The following DSG3 variants were observed in gnomAD, a reference collection of about 807,000 sequenced individuals.
DSG3 encodes the protein desmoglein 3.
DSG3 carries 63 observed loss-of-function variants against 85.9 expected under a neutral mutation model. The ratio of observed to expected loss-of-function variants is 0.73; its 90% confidence interval spans 0.60 to 0.90. The LOEUF (loss-of-function observed/expected upper bound fraction) is 0.90. Ranked by LOEUF, DSG3 falls within the 40% of genes least tolerant of loss-of-function variation. The pLI is 0.00. For synonymous variants in DSG3, 447 were observed against 441.9 expected, an observed-to-expected ratio of 1.01 and a Z score of -0.14; for missense variants, 1,220 against 1,219.9, an observed-to-expected ratio of 1.00 and a Z score of 0.00.
rs142421403 is a variant in DSG3, at chr18:31,450,426, C to T, written c.48+2501C>T. On this transcript the variant is annotated intron_variant, in intron 1 of 15. Transcript: ENST00000257189. ...GATTGAAAAGTGCATTTTGTGAAGGCTCATGGAAACCTTTTACAAGTGGGG... is the reference window on the plus strand; with the variant it reads ...GATTGAAAAGTGCATTTTGTGAAGGTTCATGGAAACCTTTTACAAGTGGGG... 3.3e-5 allele frequency among the ~76,000 whole-genome samples: 5 copies of T among 152,214 alleles called. No individual in the cohort carries two copies. In the East Asian group the frequency reaches 9.7e-4, roughly 29 times the overall value.
At chr18:31,468,138 A>G (rs2072833253) in intron 11 of DSG3, among the ~76,000 whole-genome samples, 1 of 152,222 alleles carries the variant, frequency 6.6e-6, no homozygotes. Flanking sequence ...CGTGGGATCC[A>G]CTTTAAAAAG....
At chr18:31,461,061 C>T in intron 7 of DSG3, 100 bp downstream of exon 7, 1 of 1,297,732 alleles carries the variant, frequency 7.7e-7, no homozygotes, top group Admixed American at 2.8e-5. Flanking sequence ...TTTAAGTTCT[C>T]TGCACTTATC....
At position 31,460,150 on chromosome 18, in the gene DSG3, T is replaced by C. The variant is rs548879050; in HGVS notation, c.684+139T>C. The C allele has an allele frequency of 1.8e-3, 1,703 of 946,178 alleles. 3 individuals carry two copies. Among genetic ancestry groups the C allele is most frequent in the Non-Finnish European group, 2.0e-3 (1,341 of 655,500 alleles). The allele number at this position is 946,178 out of a possible 1,614,324, so 58.6% of individuals were successfully genotyped here. ...CTTAACTTGGCTAATCTAGGGAAATTGTTTGCATTTTTAAGTGTGATTCTG... is the reference window on the plus strand; with the variant it reads ...CTTAACTTGGCTAATCTAGGGAAATCGTTTGCATTTTTAAGTGTGATTCTG... On this transcript the variant is annotated intron_variant, in intron 6 of 15. Coordinates refer to ENST00000257189, the MANE Select transcript of DSG3 (RefSeq NM_001944.3).
In DSG3 at chr18:31,466,452, G is replaced by T. The variant is rs1265275844; in HGVS notation, c.1412-78G>T. On this transcript the variant is annotated intron_variant, in intron 10 of 15. Transcript: ENST00000257189. ...GACACACTGAGTTGGCTACAGAAAA[G>T]AGAAATGTAAAAGATTCTCCTTTTT... The T allele has an allele frequency of 1.5e-5, 20 of 1,303,290 alleles. No homozygotes were observed. In the East Asian group the frequency reaches 4.6e-4, roughly 30 times the overall value. The allele number at this position is 1,303,290 out of a possible 1,614,324, so 80.7% of individuals were successfully genotyped here.
chr18:31,461,465 G>T (rs2072786011), intron 8 of DSG3, 53 bp downstream of exon 8: 2 of 1,398,680 alleles, frequency 1.4e-6, no homozygotes, highest in Non-Finnish European at 2.0e-6. Flanking sequence ...TAACCAAAAT[G>T]ATCATTTCTA....
At chr18:31,458,150 A>G (rs959061254) in intron 3 of DSG3, among the ~76,000 whole-genome samples, 1 of 152,096 alleles carries the variant, frequency 6.6e-6, no homozygotes, top group African/African-American at 2.4e-5. Flanking sequence ...AGCCTTGTCA[A>G]TATTAAATGA....
intron 11 of DSG3, among the ~76,000 whole-genome samples, chr18:31,467,811 G>A (rs1042714383): frequency 3.9e-5 from 6 of 152,192 alleles, no homozygotes; most frequent in African/African-American, 1.4e-4. Flanking sequence ...CTAAGTAGCA[G>A]CCACTGCCAG....
chr18:31,462,005 T>G (rs2072789321), intron 8 of DSG3, among the ~76,000 whole-genome samples: 1 of 152,068 alleles, frequency 6.6e-6, no homozygotes, highest in Admixed American at 6.6e-5. Context: ...GTACAGCACT[T>G]TGGTTTTTCG....
intron 2 of DSG3, among the ~76,000 whole-genome samples, chr18:31,456,773 G>C (rs181151959): frequency 6.6e-6 from 1 of 152,042 alleles, no homozygotes. Context: ...TATAAAATAC[G>C]ACTAAATGCT....
chr18:31,472,685 G>A lies in DSG3; in HGVS notation c.2038-40G>A, dbSNP rs377505662. 4.3e-5 allele frequency: 69 copies of A among 1,604,026 alleles called. No homozygotes were observed. In the African/African-American group the frequency reaches 8.2e-4, roughly 19 times the overall value. Reference sequence around the variant, plus strand: ...TGTCACTATATTGCTCTGAAATCTGGTTCACTTTTAAATGAATTTATTTTT... The same window carrying A: ...TGTCACTATATTGCTCTGAAATCTGATTCACTTTTAAATGAATTTATTTTT... On this transcript the variant is annotated intron_variant, in intron 13 of 15. Transcript: ENST00000257189.
intron 5 of DSG3, 139 bp downstream of exon 5, chr18:31,459,316 A>C (rs2072769036): frequency 1.2e-6 from 1 of 830,300 alleles, no homozygotes; most frequent in Non-Finnish European, 1.8e-6. Context: ...ATTAAGATAA[A>C]TCTGGGTCTT....
chr18:31,461,027 G>C, intron 7 of DSG3, 66 bp downstream of exon 7: 1 of 1,459,242 alleles, frequency 6.9e-7, no homozygotes, highest in African/African-American at 1.4e-5. Flanking sequence ...CCTAATTCAG[G>C]ACTTGCCTGT....
intron 12 of DSG3, among the ~76,000 whole-genome samples, chr18:31,469,875 A>G (rs559029730): frequency 1.3e-4 from 20 of 150,594 alleles, no homozygotes; most frequent in African/African-American, 4.7e-4. Flanking sequence ...TAATATTAAT[A>G]TCATATGCTA....
chr18:31,457,594 TTCTTTCTTTCTTTCTTTCTTTC>T, intron 3 of DSG3, among the ~76,000 whole-genome samples: 1 of 44,812 alleles, frequency 2.2e-5, no homozygotes, highest in South Asian at 8.0e-4. Flanking sequence ...TCTTCTTTCT[TTCTTTCTTTCTTTCTTTCTTTC>T]TTTCTTTCTT....
chr18:31,469,247 T>A lies in DSG3; in HGVS notation c.1795T>A (p.Tyr599Asn), dbSNP rs1213408403. The change falls in exon 12 of 16, where the codon TAC (tyrosine) becomes AAC (asparagine). Residue 599 changes from tyrosine (Y) to asparagine (N), a missense_variant. Coordinates refer to ENST00000257189, the MANE Select transcript of DSG3 (RefSeq NM_001944.3). ...CDNRGICGTS[Y>N]PTTSPGTRYG... ...CAACAGGGGCATCTGTGGAACTTCT[T>A]ACCCAACCACAAGCCCTGGGACCAG... 6.2e-7 allele frequency: 1 copy of A among 1,614,178 alleles called. No homozygotes were observed. The highest frequency in any genetic ancestry group is 8.5e-7 in the Non-Finnish European group (1 of 1,180,032).
chr18:31,477,750 A>G lies in DSG3; in HGVS notation c.*1490A>G, dbSNP rs2072897848. 1 of 152,110 alleles carries G rather than the reference A, an allele frequency of 6.6e-6. No homozygotes were observed. The highest frequency in any genetic ancestry group is 1.5e-5 in the Non-Finnish European group (1 of 68,020). 9.4% of individuals were successfully genotyped at this position (152,110 alleles called of 1,614,324 possible). A position where few individuals can be genotyped will look rare whatever the true frequency, so the allele number is the denominator to read the frequency against. ...TTCGAGTCATTTCTGGTCATTCAAGATATTCACCCTTTTGCCCATAGAAAG... is the reference window on the plus strand; with the variant it reads ...TTCGAGTCATTTCTGGTCATTCAAGGTATTCACCCTTTTGCCCATAGAAAG... On this transcript the variant is annotated 3_prime_UTR_variant, in exon 16 of 16. Transcript: ENST00000257189.
rs1465435498 is a variant in DSG3, at chr18:31,458,577, C to T, written c.349C>T (p.Arg117Trp). The T allele has an allele frequency of 4.3e-6, 7 of 1,613,318 alleles. No individual in the cohort carries two copies. The highest frequency in any genetic ancestry group is 4.2e-6 in the Non-Finnish European group (5 of 1,179,594). Reference protein sequence around the residue: ...GDINITAIVDREETPSFLITC... With the variant: ...GDINITAIVDWEETPSFLITC... ...TATTAACATAACAGCTATAGTCGAC[C>T]GGGAGGAAACTCCAAGCTTCCTGGT... Residue 117 changes from arginine (R) to tryptophan (W), a missense_variant, in exon 4 of 16, where the codon CGG becomes TGG. Physicochemically the swap from Arg to Trp is moderately radical, Grantham distance 101. Coordinates refer to ENST00000257189, the MANE Select transcript of DSG3 (RefSeq NM_001944.3).
chr18:31,451,859 G>T (rs968430536), intron 1 of DSG3, among the ~76,000 whole-genome samples: 4 of 152,148 alleles, frequency 2.6e-5, no homozygotes, highest in African/African-American at 9.7e-5. Flanking sequence ...TTTAGCCTTT[G>T]GCTCTTTCTG....
intron 1 of DSG3, among the ~76,000 whole-genome samples, chr18:31,450,486 G>C (rs930320615): frequency 2.6e-5 from 4 of 152,190 alleles, no homozygotes; most frequent in East Asian, 1.9e-4. Flanking sequence ...GTGGTCATGG[G>C]GGGGAAAAGC....
Sources: allele counts gnomAD v4.1 joint callset (sites outside exome capture counted in the v4.1 genomes callset), GRCh38; gene constraint gnomAD v4.1.1; transcripts MANE v1.5; gene names NCBI Gene and HGNC (gene_info 2026-07-23, HGNC 2026-07-21).